The following AXDND1 variants were observed in gnomAD, a reference collection of about 807,000 sequenced individuals.
AXDND1 encodes axonemal dynein light chain domain-containing protein 1.
In AXDND1, 110 loss-of-function variants were observed where a neutral mutation model predicts 137.5. The ratio of observed to expected loss-of-function variants is 0.80; its 90% CI spans 0.69 to 0.94. The LOEUF is 0.94. AXDND1 is among the 40% of genes least tolerant of loss of function. The pLI is 0.00. For missense variants in AXDND1, 1,191 were observed against 1,169.8 expected (o/e 1.02, Z -0.26); for synonymous variants, 414 against 399.7 (o/e 1.04, Z -0.43).
intron 4 of AXDND1, among the ~76,000 whole-genome samples, chr1:179,378,100 T>C (rs1428590416): frequency 6.6e-6 from 1 of 151,748 alleles, no homozygotes; most frequent in African/African-American, 2.4e-5. Context: ...ATCCGGGAGG[T>C]GGAGGTTGTA....
chr1:179,442,561 A>G (rs1232408017), intron 15 of AXDND1, among the ~76,000 whole-genome samples: 1 of 152,168 alleles, frequency 6.6e-6, no homozygotes, highest in Admixed American at 6.5e-5. Flanking sequence ...CGTTTCAACA[A>G]AATTTTAAGC....
intron 10 of AXDND1, 82 bp downstream of exon 10, chr1:179,394,125 G>T (rs1381706287): frequency 7.1e-7 from 1 of 1,402,734 alleles, no homozygotes; most frequent in Non-Finnish European, 9.5e-7. Context: ...TAGGGAAAGT[G>T]GAATGGTTAA....
At chr1:179,431,256 C>T (rs1657331270) in intron 14 of AXDND1, among the ~76,000 whole-genome samples, 1 of 152,166 alleles carries the variant, frequency 6.6e-6, no homozygotes, top group African/African-American at 2.4e-5. Context: ...ATTCTCCCAC[C>T]TCAGCCTCCC....
intron 15 of AXDND1, among the ~76,000 whole-genome samples, chr1:179,437,473 C>G (rs1022457725): frequency 2.0e-5 from 3 of 152,198 alleles, no homozygotes; most frequent in African/African-American, 7.2e-5. Flanking sequence ...TGTGAGTTTG[C>G]TCACATCCTG....
chr1:179,419,917 A>G (rs1655412114), intron 12 of AXDND1, among the ~76,000 whole-genome samples: 1 of 152,022 alleles, frequency 6.6e-6, no homozygotes, highest in Non-Finnish European at 1.5e-5. Flanking sequence ...TGATTTCTTT[A>G]TTTTCAATTT....
chr1:179,395,322 T>C, intron 11 of AXDND1, 120 bp downstream of exon 11: 1 of 714,650 alleles, frequency 1.4e-6, no homozygotes, highest in Non-Finnish European at 2.2e-6. Context: ...ATAGATAGCT[T>C]ACTTTATCTG....
At position 179,543,228 on chromosome 1, in the gene AXDND1, G is replaced by T. The variant is rs1450352179; in HGVS notation, c.3031+8266G>T. 2.0e-5 allele frequency: 3 copies of T among 152,170 alleles called. No individual in the cohort carries two copies. The East Asian group carries it at 5.8e-4, about 29-fold the overall frequency. The allele number at this position is 152,170 out of a possible 1,614,324, so 9.4% of individuals were successfully genotyped here. On this transcript the variant is annotated intron_variant, in intron 25 of 25. Coordinates refer to ENST00000367618, the MANE Select transcript of AXDND1 (RefSeq NM_144696.6). Reference sequence around the variant, plus strand: ...GGGATGTATTTATTTTTATTTTTATGTCAGTATTTTTAATAATTAGCAAAT... The same window carrying T: ...GGGATGTATTTATTTTTATTTTTATTTCAGTATTTTTAATAATTAGCAAAT...
chr1:179,554,624 C>T lies in AXDND1; in HGVS notation c.*105C>T. 6.5e-7 allele frequency: 1 copy of T among 1,535,920 alleles called. No individual in the cohort carries two copies. Among genetic ancestry groups the T allele is most frequent in the Non-Finnish European group, 9.0e-7 (1 of 1,110,048 alleles). ...GTGGCCATTGTTCTGTACTAAGGAA[C>T]AACATTCCCTTTGAAAGGACATTAT... On this transcript the variant is annotated 3_prime_UTR_variant, in exon 26 of 26. Transcript: ENST00000367618.
At chr1:179,462,478 G>T (rs10913777) in intron 16 of AXDND1, among the ~76,000 whole-genome samples, 48,395 of 146,260 alleles carry the variant, frequency 0.33, 8,316 homozygotes, top group East Asian at 0.47. Context: ...TTGCATCGAT[G>T]TTATCAGGGA....
At chr1:179,520,456 A>T (rs1302228183) in intron 21 of AXDND1, among the ~76,000 whole-genome samples, 1 of 151,710 alleles carries the variant, frequency 6.6e-6, no homozygotes, top group African/African-American at 2.4e-5. Flanking sequence ...TTATTTATTT[A>T]TTTTTTAGAG....
chr1:179,458,208 C>G (rs958002917), intron 16 of AXDND1, among the ~76,000 whole-genome samples: 9 of 152,110 alleles, frequency 5.9e-5, no homozygotes, highest in African/African-American at 2.2e-4. Context: ...GTCTCAAACT[C>G]TTGGGCTCAA....
At chr1:179,434,065 G>A (rs906365926) in intron 15 of AXDND1, among the ~76,000 whole-genome samples, 19 of 152,152 alleles carry the variant, frequency 1.2e-4, no homozygotes, top group African/African-American at 4.6e-4. Flanking sequence ...ATTTAGGATA[G>A]TTAGCTCTTT....
rs753901729 is a variant in AXDND1, at chr1:179,430,553, C to T, written c.1434C>T (p.Ser478=). The stretch of plus-strand genomic sequence containing the variant: ...TAGAACAAATGGAAGAGTCTACAAG[C>T]GAGACACTGAAAATTGTTAAGGATG... ...QEVEQMEEST[S]ETLKIVKDGL... The change falls in exon 14 of 26, where the codon AGC becomes AGT. Residue 478 remains serine (S), a synonymous_variant. Coordinates refer to ENST00000367618, the MANE Select transcript of AXDND1 (RefSeq NM_144696.6). The T allele has an allele frequency of 4.6e-5, 74 of 1,613,518 alleles. No homozygotes were observed. The South Asian group carries it at 5.6e-4, about 12-fold the overall frequency.
intron 12 of AXDND1, among the ~76,000 whole-genome samples, chr1:179,428,900 CGG>C (rs1558164755): frequency 1.3e-5 from 2 of 152,016 alleles, no homozygotes; most frequent in East Asian, 3.9e-4. Flanking sequence ...TACTTTCTGC[CGG>C]GCGTGGTGGC....
chr1:179,447,642 A>G lies in AXDND1; in HGVS notation c.1798+2438A>G, dbSNP rs1372803788. ...TGCTTGAAGCGGGGATGACAACTCG[A>G]AGATCTGGTTTTCCACTGTTCATTC... On this transcript the variant is annotated intron_variant, in intron 16 of 25. Coordinates refer to ENST00000367618, the MANE Select transcript of AXDND1 (RefSeq NM_144696.6). 4 of 1,304,480 alleles carry G rather than the reference A, an allele frequency of 3.1e-6. 1 individual carries two copies. In the African/African-American group the frequency reaches 5.8e-5, roughly 19 times the overall value. The allele number at this position is 1,304,480 out of a possible 1,614,324, so 80.8% of individuals were successfully genotyped here.
chr1:179,410,877 G>A (rs918947995), intron 11 of AXDND1, among the ~76,000 whole-genome samples: 3 of 152,056 alleles, frequency 2.0e-5, no homozygotes, highest in Admixed American at 6.5e-5. Flanking sequence ...TAAAGAATAA[G>A]ATGAAAAATG....
At chr1:179,380,969 T>G (rs1346695449) in intron 6 of AXDND1, among the ~76,000 whole-genome samples, 1 of 151,974 alleles carries the variant, frequency 6.6e-6, no homozygotes, top group East Asian at 1.9e-4. Context: ...AATCAAATAC[T>G]TCTACCACCA....
chr1:179,424,415 T>C (rs1162064893), intron 12 of AXDND1, among the ~76,000 whole-genome samples: 1 of 147,260 alleles, frequency 6.8e-6, no homozygotes, highest in South Asian at 2.1e-4. Flanking sequence ...TTTTTGAAAG[T>C]TTTCTATTAT....
rs544269581 is a variant in AXDND1, at chr1:179,394,633, G to C, written c.1005-465G>C. On this transcript the variant is annotated intron_variant, in intron 10 of 25. Coordinates refer to ENST00000367618, the MANE Select transcript of AXDND1 (RefSeq NM_144696.6). ...AAAATACAGATGTTTACCTTAATCA[G>C]GTTTATAGAACAGTGCCATAATTAT... Among the ~76,000 whole-genome samples the C allele has an allele frequency of 8.9e-5, 10 of 112,576 alleles. No homozygotes were observed. The South Asian group carries it at 2.3e-3, about 26-fold the overall frequency. The allele number at this position is 112,576 out of a possible 152,430, so 73.9% of individuals were successfully genotyped here.
Sources: gnomAD v4.1 joint callset for allele counts (sites outside exome capture counted in the v4.1 genomes callset) on GRCh38, gnomAD v4.1.1 for gene constraint, MANE v1.5 for transcripts, NCBI Gene and HGNC (gene_info 2026-07-23, HGNC 2026-07-21) for gene names.